Variants in MYO15A observed in about 807,000 individuals in gnomAD.
The protein encoded by MYO15A is myosin XVA.
MYO15A carries 308 observed loss-of-function variants against 394.6 expected under a neutral mutation model. The observed-to-expected ratio is 0.78, with a 90% CI of 0.71 to 0.86. MYO15A has a LOEUF of 0.86. Among genes scored for constraint, MYO15A ranks in the 40% least tolerant of loss-of-function variants. The pLI, the probability that MYO15A is intolerant of heterozygous loss-of-function variation, is 0.00. For synonymous variants in MYO15A, 1,957 were observed against 2,003.8 expected (o/e 0.98, Z 0.62); for missense variants, 4,606 against 4,799.1 (o/e 0.96, Z 1.19).
rs1555549638 is a variant in MYO15A at position 18,179,386 on chromosome 17, C to G, written c.*516C>G. 5.3e-6 allele frequency: 1 copy of G among 189,382 alleles called. No homozygotes were observed. The highest frequency in any genetic ancestry group is 1.3e-4 in the East Asian group (1 of 7,816). The allele number at this position is 189,382 out of a possible 1,614,324, so 11.7% of individuals were successfully genotyped here. ...ATTTCTGTGCAAACAAAAGGTGTGC[C>G]TGGCAGCCATTTCTCCATGGAGTTG... On this transcript the variant is annotated 3_prime_UTR_variant, in exon 66 of 66. Transcript: ENST00000647165.
intron 1 of MYO15A, among the ~76,000 whole-genome samples, chr17:18,114,482 C>T (rs1342812754): frequency 1.3e-5 from 2 of 152,112 alleles, no homozygotes; most frequent in South Asian, 2.1e-4. Flanking sequence ...GAACTCTTGA[C>T]CACATATGAT....
intron 61 of MYO15A, among the ~76,000 whole-genome samples, 197 bp downstream of exon 61, chr17:18,166,718 C>T (rs528933166): frequency 5.3e-5 from 8 of 152,310 alleles, no homozygotes; most frequent in Admixed American, 3.3e-4. Flanking sequence ...AGAGCCTTTG[C>T]GCATGCCATC....
intron 60 of MYO15A, 115 bp from the exon 61 acceptor site, chr17:18,166,246 C>T (rs1046096479): frequency 9.3e-6 from 13 of 1,403,636 alleles, no homozygotes; most frequent in South Asian, 2.4e-5. Context: ...GTGGCTTGTC[C>T]GAGGTGATAC....
intron 17 of MYO15A, among the ~76,000 whole-genome samples, chr17:18,138,507 C>T (rs2046321247): frequency 6.6e-6 from 1 of 152,180 alleles, no homozygotes; most frequent in South Asian, 2.1e-4. Context: ...GGCCTCAAAT[C>T]CTGATTGCAA....
intron 56 of MYO15A, 127 bp from the exon 57 acceptor site, chr17:18,161,190 G>A: frequency 7.7e-7 from 1 of 1,296,426 alleles, no homozygotes; most frequent in East Asian, 2.5e-5. Context: ...CACTGCGCAG[G>A]GAGGGGCATC....
chr17:18,125,030 G>A (rs145197175), intron 3 of MYO15A, 138 bp from the exon 4 acceptor site: 2 of 820,190 alleles, frequency 2.4e-6, no homozygotes, highest in Non-Finnish European at 2.1e-6. Flanking sequence ...TTTGTCCAAG[G>A]TCTCCTAGCT....
intron 53 of MYO15A, 45 bp from the exon 54 acceptor site, chr17:18,159,230 T>C: frequency 6.2e-7 from 1 of 1,604,198 alleles, no homozygotes; most frequent in South Asian, 1.1e-5. Context: ...CTTTCTGTTC[T>C]GACGTGTCCC....
intron 61 of MYO15A, 85 bp downstream of exon 61, chr17:18,166,606 G>T: frequency 2.6e-6 from 4 of 1,563,020 alleles, no homozygotes; most frequent in Non-Finnish European, 3.5e-6. Context: ...CTTGGTGTTT[G>T]AAGTGTTCAT....
chr17:18,154,684 T>C lies in MYO15A; in HGVS notation c.8153T>C (p.Leu2718Pro). Reference protein sequence around the residue: ...VQLDLLFRQILHDTLSEACLR... With the variant: ...VQLDLLFRQIPHDTLSEACLR... ...CATCACAGCCTGTTCCCACAGATCC[T>C]GCACGACACGCTCTCCGAGGCCTGC... The change falls in exon 45 of 66, where the codon CTG becomes CCG. Residue 2718 changes from leucine (L) to proline (P), a missense_variant. Leu to Pro is a moderately conservative substitution (Grantham distance 98). Coordinates refer to ENST00000647165, the MANE Select transcript of MYO15A (RefSeq NM_016239.4). The C allele has an allele frequency of 6.2e-7, 1 of 1,613,462 alleles. No individual in the cohort carries two copies. The highest frequency in any genetic ancestry group is 8.5e-7 in the Non-Finnish European group (1 of 1,180,028).
rs747179468 is a variant in MYO15A at position 18,143,951 on chromosome 17, TG to T, written c.6130del (p.Asp2044ThrfsTer23). The T allele has an allele frequency of 1.2e-6, 2 of 1,612,690 alleles. No homozygotes were observed. The highest frequency in any genetic ancestry group is 2.7e-5 in the African/African-American group (2 of 74,940). On this transcript the variant is annotated frameshift_variant, in exon 28 of 66. Transcript: ENST00000647165. LOFTEE classifies it high-confidence loss of function. ...GCTGAGCCCCGTGTCACACTGCCCC[TG>T]GACATCAACAACTATCCTATGGCCA... Reference protein sequence around the residue: ...LQAEPRVTLPLDINNYPMAKF... With the variant: ...LQAEPRVTLPXDINNYPMAKF...
At chr17:18,170,800 C>T (rs924296112) in intron 62 of MYO15A, among the ~76,000 whole-genome samples, 5 of 152,218 alleles carry the variant, frequency 3.3e-5, no homozygotes, top group Non-Finnish European at 5.9e-5. Flanking sequence ...TCTGCATTAT[C>T]TCAGCTATTC....
rs2045947803 is a variant in MYO15A at position 18,122,054 on chromosome 17, C to T, written c.3254C>T (p.Pro1085Leu). The T allele has an allele frequency of 6.2e-7, 1 of 1,612,844 alleles. No homozygotes were observed. The highest frequency in any genetic ancestry group is 8.5e-7 in the Non-Finnish European group (1 of 1,180,008). The change falls in exon 2 of 66, where the codon CCC becomes CTC. Residue 1085 changes from proline to leucine, a missense_variant. Pro to Leu is a moderately conservative substitution (Grantham distance 98). Around this residue, in one of 2 missense-constraint regions of MYO15A, gnomAD observed 1,830 missense variants for 1,689.7 expected, o/e 1.08. Transcript: ENST00000647165. Reference protein sequence around the residue: ...WPPWHRWGTLPQAAAPLAPIR... With the variant: ...WPPWHRWGTLLQAAAPLAPIR... ...CCATGGCACCGCTGGGGAACACTGCCCCAAGCCGCAGCCCCCTTGGCGCCC... is the reference window on the plus strand; with the variant it reads ...CCATGGCACCGCTGGGGAACACTGCTCCAAGCCGCAGCCCCCTTGGCGCCC...
chr17:18,121,858 G>C lies in MYO15A; in HGVS notation c.3058G>C (p.Asp1020His). The C allele has an allele frequency of 6.2e-7, 1 of 1,612,790 alleles. No homozygotes were observed. Residue 1020 changes from aspartate (D) to histidine (H), a missense_variant, in exon 2 of 66, where the codon GAC (aspartate) becomes CAC (histidine). Coordinates refer to ENST00000647165, the MANE Select transcript of MYO15A (RefSeq NM_016239.4). The surrounding 1 kb of genome is among the most constrained non-coding windows in gnomAD (Gnocchi z 5.3). ...GCCTGAAGAAGAGGCCACCCTGGGG[G>C]ACCCCCAGCTGCCAGCAGAGACCAA... ...EKPEEEATLG[D>H]PQLPAETKPP...
chr17:18,156,182 G>A lies in MYO15A; in HGVS notation c.8460-13G>A, dbSNP rs776877164. On this transcript the variant is annotated splice_polypyrimidine_tract_variant and intron_variant, in intron 47 of 65. Coordinates refer to ENST00000647165, the MANE Select transcript of MYO15A (RefSeq NM_016239.4). ...CTCTGGCAGGGGAGTCATGCCACCG[G>A]CCCATCCTCCAGCTTTGCAGATATC... 1 of 1,613,974 alleles carries A rather than the reference G, an allele frequency of 6.2e-7. No individual in the cohort carries two copies. The highest frequency in any genetic ancestry group is 8.5e-7 in the Non-Finnish European group (1 of 1,179,892).
In MYO15A at chr17:18,148,763, G is replaced by T; in HGVS notation, c.6767G>T (p.Gly2256Val). ...EVAGDILRHRGLADGWRGWTV... is the reference protein window; with the variant it reads ...EVAGDILRHRVLADGWRGWTV... The stretch of plus-strand genomic sequence containing the variant: ...ATTCCTGTGCATGCCATCACCAGGG[G>T]GCTGGCAGATGGCTGGCGCGGCTGG... Residue 2256 changes from glycine (G) to valine (V), a missense_variant and splice_region_variant, in exon 33 of 66, where the codon GGG becomes GTG. Coordinates refer to ENST00000647165, the MANE Select transcript of MYO15A (RefSeq NM_016239.4). The surrounding 1 kb of genome is among the most constrained non-coding windows in gnomAD (Gnocchi z 4.8). 1 of 1,597,192 alleles carries T rather than the reference G, an allele frequency of 6.3e-7. No individual in the cohort carries two copies. Among genetic ancestry groups the T allele is most frequent in the Non-Finnish European group, 8.5e-7 (1 of 1,171,208 alleles).
chr17:18,162,661 A>G lies in MYO15A; in HGVS notation c.9594A>G (p.Ile3198Met). 1 of 1,613,956 alleles carries G rather than the reference A, an allele frequency of 6.2e-7. No homozygotes were observed. The highest frequency in any genetic ancestry group is 8.5e-7 in the Non-Finnish European group (1 of 1,179,884). Residue 3198 changes from isoleucine (I) to methionine (M), a missense_variant, in exon 58 of 66, where the codon ATA becomes ATG. Physicochemically the swap from Ile to Met is conservative, Grantham distance 10 (BLOSUM62 1). Around this residue, in one of 2 missense-constraint regions of MYO15A, gnomAD observed 2,776 missense variants for 3,109.3 expected, o/e 0.89. Coordinates refer to ENST00000647165, the MANE Select transcript of MYO15A (RefSeq NM_016239.4). The part of the protein sequence containing the change: ...FGGRLELPSS[I>M]ELRAMLAGRS... Reference sequence around the variant, plus strand: ...GTCGTCTGGAGCTCCCCAGCAGCATAGAGCTTCGGGCCATGTTGGTGAGCA... The same window carrying G: ...GTCGTCTGGAGCTCCCCAGCAGCATGGAGCTTCGGGCCATGTTGGTGAGCA...
chr17:18,166,673 C>A, intron 61 of MYO15A, 152 bp downstream of exon 61: 1 of 1,131,090 alleles, frequency 8.8e-7, no homozygotes, highest in Non-Finnish European at 1.3e-6. Context: ...TATGTGGTCT[C>A]TTTGGAGAAA....
At chr17:18,137,747 G>A (rs1283445224) in intron 16 of MYO15A, 68 bp downstream of exon 16, 2 of 1,516,820 alleles carry the variant, frequency 1.3e-6, no homozygotes, top group Non-Finnish European at 9.1e-7. Flanking sequence ...GGAGACAGAT[G>A]AGGATATACT....
chr17:18,178,610 C>A, intron 65 of MYO15A, 159 bp from the exon 66 acceptor site: 1 of 753,136 alleles, frequency 1.3e-6, no homozygotes. Context: ...TCCAGCTCTT[C>A]ATGCTCCTCT....
Sources: allele counts gnomAD v4.1 joint callset (sites outside exome capture counted in the v4.1 genomes callset), GRCh38; gene constraint gnomAD v4.1.1; regional missense constraint gnomAD v4.1.1; non-coding constraint Gnocchi (gnomAD v3.1); transcripts MANE v1.5; gene names NCBI Gene and HGNC (gene_info 2026-07-23, HGNC 2026-07-21).